ELMO1: variants seen among roughly 807,000 people sequenced by gnomAD.
The protein encoded by ELMO1 is engulfment and cell motility protein 1.
Under a neutral mutation model 98.9 loss-of-function variants are expected in ELMO1, and 26 were observed. The observed-to-expected ratio is 0.26, with a 90% CI of 0.19 to 0.36. ELMO1 has a LOEUF of 0.36. ELMO1 is among the 10% of genes least tolerant of loss of function. The pLI, the probability that ELMO1 is intolerant of heterozygous loss-of-function variation, is 1.00. For synonymous variants in ELMO1, 346 were observed against 346.0 expected (o/e 1.00, Z 0.00); for missense variants, 627 against 935.2 (o/e 0.67, Z 4.30).
At chr7:37,405,359 T>C (rs941015711) in intron 1 of ELMO1, among the ~76,000 whole-genome samples, 2 of 152,188 alleles carry the variant, frequency 1.3e-5, no homozygotes, top group African/African-American at 2.4e-5. Context: ...GTCTCACCTC[T>C]GCCCCCATGT....
intron 18 of ELMO1, among the ~76,000 whole-genome samples, chr7:36,882,903 C>CT (rs1462080284): frequency 1.3e-5 from 2 of 152,202 alleles, no homozygotes; most frequent in South Asian, 2.1e-4. Context: ...TGGGAAGTGC[C>CT]TTTTTTTCAT....
At chr7:36,991,621 G>T (rs192354265) in intron 16 of ELMO1, among the ~76,000 whole-genome samples, 152 of 152,238 alleles carry the variant, frequency 1.0e-3, no homozygotes, top group African/African-American at 3.5e-3. Context: ...AATATTCCAT[G>T]GAAACATTCC....
chr7:37,121,415 C>G (rs1330596273), intron 14 of ELMO1, among the ~76,000 whole-genome samples: 1 of 152,142 alleles, frequency 6.6e-6, no homozygotes, highest in Non-Finnish European at 1.5e-5. Context: ...ATAACCAATG[C>G]AGAGAAGTCC....
At chr7:37,255,490 C>T (rs1795589144) in intron 6 of ELMO1, among the ~76,000 whole-genome samples, 2 of 152,186 alleles carry the variant, frequency 1.3e-5, no homozygotes, top group Non-Finnish European at 2.9e-5. Context: ...CAATGAGAAA[C>T]TGAAAACAAA....
intron 16 of ELMO1, among the ~76,000 whole-genome samples, chr7:36,996,473 G>T (rs1455290775): frequency 6.6e-6 from 1 of 152,150 alleles, no homozygotes; most frequent in East Asian, 1.9e-4. Context: ...GTGAGAATCA[G>T]TCCTGGTTCT....
At chr7:37,037,504 T>G (rs1795255717) in intron 15 of ELMO1, among the ~76,000 whole-genome samples, 1 of 152,110 alleles carries the variant, frequency 6.6e-6, no homozygotes, top group African/African-American at 2.4e-5. Flanking sequence ...GGTGAGGACT[T>G]AGGAAGCAGT....
intron 6 of ELMO1, among the ~76,000 whole-genome samples, chr7:37,253,644 T>A (rs113320782): frequency 3.5e-4 from 53 of 151,324 alleles, no homozygotes; most frequent in Middle Eastern, 3.4e-3. Flanking sequence ...GGTTTTGGGT[T>A]CAGCAAACCA....
chr7:37,252,245 T>C (rs1584874396), intron 6 of ELMO1, among the ~76,000 whole-genome samples: 2 of 152,200 alleles, frequency 1.3e-5, no homozygotes, highest in East Asian at 3.8e-4. Context: ...GAATTTCATA[T>C]GGAACTAAAA....
At chr7:37,279,071 G>T (rs1256289899) in intron 4 of ELMO1, among the ~76,000 whole-genome samples, 1 of 152,044 alleles carries the variant, frequency 6.6e-6, no homozygotes, top group East Asian at 1.9e-4. Context: ...GCGTGGTGGC[G>T]GGCGCCTGTA....
In ELMO1 at chr7:37,286,044, GA is replaced by G. The variant is rs56126018; in HGVS notation, c.193-14163del. 9.9e-4 allele frequency among the ~76,000 whole-genome samples: 146 copies of G among 147,134 alleles called. 1 individual carries two copies. Among genetic ancestry groups the G allele is most frequent in the Middle Eastern group, 7.0e-3 (2 of 286 alleles). ...GGAAAGAAACTCATGCTTGTAAAAA[GA>G]AAAAAAAAAACATTTTTAAAGGGCC... On this transcript the variant is annotated intron_variant, in intron 4 of 21. Coordinates refer to ENST00000310758, the MANE Select transcript of ELMO1 (RefSeq NM_014800.11).
intron 1 of ELMO1, among the ~76,000 whole-genome samples, chr7:37,376,606 C>T (rs566436091): frequency 1.1e-4 from 17 of 152,098 alleles, no homozygotes; most frequent in Admixed American, 7.9e-4. Flanking sequence ...ACTGACTCAG[C>T]GCATGAAGAC....
intron 15 of ELMO1, among the ~76,000 whole-genome samples, chr7:37,077,964 T>G (rs1355981202): frequency 6.6e-6 from 1 of 152,212 alleles, no homozygotes. Context: ...TATTTTCCTC[T>G]TTTATTTTTT....
chr7:37,386,759 CG>C (rs1176583387), intron 1 of ELMO1, among the ~76,000 whole-genome samples: 1 of 152,160 alleles, frequency 6.6e-6, no homozygotes, highest in Non-Finnish European at 1.5e-5. Flanking sequence ...CGAGAGTTCT[CG>C]GTTTCAACAA....
intron 2 of ELMO1, among the ~76,000 whole-genome samples, chr7:37,330,820 G>A (rs149625765): frequency 6.6e-6 from 1 of 152,106 alleles, no homozygotes; most frequent in Non-Finnish European, 1.5e-5. Flanking sequence ...CTTCTCTTGG[G>A]TATATCTGAA....
chr7:37,216,529 C>A, intron 11 of ELMO1, 116 bp downstream of exon 11: 1 of 1,197,796 alleles, frequency 8.3e-7, no homozygotes, highest in Non-Finnish European at 1.2e-6. Context: ...GTTCCTACTG[C>A]TTCACCACAG....
intron 1 of ELMO1, among the ~76,000 whole-genome samples, chr7:37,373,575 C>A (rs903675906): frequency 6.6e-6 from 1 of 151,514 alleles, no homozygotes; most frequent in Non-Finnish European, 1.5e-5. Flanking sequence ...TCCCACTGCA[C>A]TCCAGCCTGG....
intron 13 of ELMO1, among the ~76,000 whole-genome samples, chr7:37,166,909 C>A (rs1321784373): frequency 6.6e-6 from 1 of 151,946 alleles, no homozygotes; most frequent in Non-Finnish European, 1.5e-5. Context: ...CTTTCTATCT[C>A]GTCGATCTGT....
chr7:37,324,156 G>C (rs1304645879), intron 2 of ELMO1, among the ~76,000 whole-genome samples: 1 of 152,178 alleles, frequency 6.6e-6, no homozygotes, highest in Non-Finnish European at 1.5e-5. Flanking sequence ...TGGCTGCGCA[G>C]CCACCTGTTC....
intron 16 of ELMO1, among the ~76,000 whole-genome samples, chr7:36,982,062 G>T (rs1434664184): frequency 6.6e-6 from 1 of 152,218 alleles, no homozygotes; most frequent in Non-Finnish European, 1.5e-5. Flanking sequence ...AGTGTGGTGA[G>T]TGTGACTGTG....
Sources: gnomAD v4.1 joint callset for allele counts (sites outside exome capture counted in the v4.1 genomes callset) on GRCh38, gnomAD v4.1.1 for gene constraint, MANE v1.5 for transcripts, NCBI Gene and HGNC (gene_info 2026-07-23, HGNC 2026-07-21) for gene names.